The following BCAS3 variants were observed in gnomAD, a reference collection of about 807,000 sequenced individuals.
The protein encoded by BCAS3 is BCAS3 microtubule associated cell migration factor.
A neutral mutation model predicts 116.1 loss-of-function variants in BCAS3; 53 were observed. The observed-to-expected ratio is 0.46, with a 90% CI of 0.37 to 0.57. The LOEUF (loss-of-function observed/expected upper bound fraction) is 0.57. Among genes scored for constraint, BCAS3 ranks in the 20% least tolerant of loss-of-function variants. BCAS3 has a pLI of 0.00. For missense variants in BCAS3, 917 were observed against 1,165.4 expected (o/e 0.79, Z 3.10); for synonymous variants, 391 against 408.2 (o/e 0.96, Z 0.51).
At chr17:60,768,275 G>A (rs1310987248) in intron 6 of BCAS3, among the ~76,000 whole-genome samples, 1 of 152,228 alleles carries the variant, frequency 6.6e-6, no homozygotes, top group East Asian at 1.9e-4. Flanking sequence ...TCAAGGATGT[G>A]TCTGGGAGGG....
rs761353231 is a variant in BCAS3 at position 61,323,897 on chromosome 17, C to T, written c.2426-44430C>T. Among the ~76,000 whole-genome samples the T allele has an allele frequency of 4.4e-4, 67 of 152,370 alleles. No individual in the cohort carries two copies. Among genetic ancestry groups the T allele is most frequent in the Non-Finnish European group, 6.6e-4 (45 of 68,034 alleles). The stretch of plus-strand genomic sequence containing the variant: ...CTCCGTGTTTCTCGTCTTTCCCAGA[C>T]GCTTCTTCCCTTCTTGTTTGCACAT... On this transcript the variant is annotated intron_variant, in intron 22 of 23. Transcript: ENST00000407086. The surrounding 1 kb of genome is among the most constrained non-coding windows in gnomAD (Gnocchi z 4.6).
chr17:60,909,938 T>C (rs1384221061), intron 11 of BCAS3, among the ~76,000 whole-genome samples: 1 of 152,178 alleles, frequency 6.6e-6, no homozygotes, highest in African/African-American at 2.4e-5. Flanking sequence ...ACTAATTTAG[T>C]ATGATACTTC....
At chr17:60,750,531 G>A (rs1199584225) in intron 6 of BCAS3, among the ~76,000 whole-genome samples, 4 of 152,084 alleles carry the variant, frequency 2.6e-5, no homozygotes, top group African/African-American at 7.2e-5. Flanking sequence ...TGAAAGTGTC[G>A]TTATTCATCG....
chr17:61,340,341 G>C (rs2057050140), intron 22 of BCAS3, among the ~76,000 whole-genome samples: 2 of 147,938 alleles, frequency 1.4e-5, no homozygotes, highest in Admixed American at 6.8e-5. Context: ...CAGGGGGTGG[G>C]TGGATTCCAG....
At chr17:60,887,706 T>C (rs2056822632) in intron 9 of BCAS3, among the ~76,000 whole-genome samples, 1 of 152,212 alleles carries the variant, frequency 6.6e-6, no homozygotes, top group Admixed American at 6.5e-5. Flanking sequence ...TCAGACTTTT[T>C]ATTTGTCCTT....
chr17:60,967,750 C>G lies in BCAS3; in HGVS notation c.1221+20398C>G, dbSNP rs114229966. Among the ~76,000 whole-genome samples, 4 of 152,152 alleles carry G rather than the reference C, an allele frequency of 2.6e-5. No homozygotes were observed. Among genetic ancestry groups the G allele is most frequent in the East Asian group, 3.9e-4 (2 of 5,170 alleles). On this transcript the variant is annotated intron_variant, in intron 14 of 23. Coordinates refer to ENST00000407086, the MANE Select transcript of BCAS3 (RefSeq NM_017679.5). The surrounding 1 kb of genome is among the most constrained non-coding windows in gnomAD (Gnocchi z 4.7). ...TCTTTGTCCTTCTCCCACCACCCCC[C>G]ACACCCCCAATTGTATTTTCAAATA...
At chr17:60,880,075 G>C (rs2055974722) in intron 9 of BCAS3, among the ~76,000 whole-genome samples, 1 of 152,288 alleles carries the variant, frequency 6.6e-6, no homozygotes, top group African/African-American at 2.4e-5. Flanking sequence ...GAACTAACTT[G>C]TGACTTTTTC....
intron 13 of BCAS3, among the ~76,000 whole-genome samples, chr17:60,929,073 A>G (rs1190806753): frequency 6.6e-6 from 1 of 152,170 alleles, no homozygotes; most frequent in Non-Finnish European, 1.5e-5. Context: ...CTCTTCATTT[A>G]AGTCCTTCCC....
intron 16 of BCAS3, among the ~76,000 whole-genome samples, chr17:61,022,293 A>G (rs1223746685): frequency 6.6e-6 from 1 of 152,140 alleles, no homozygotes; most frequent in African/African-American, 2.4e-5. Flanking sequence ...TCTGTAGCCC[A>G]GGCTGGAGAG....
At position 61,028,981 on chromosome 17, in the gene BCAS3, A is replaced by G. The variant is rs2145580240; in HGVS notation, c.1638-5685A>G. ...GACAACTTCTTCCATTTTGTTTATA[A>G]GAGCTCCTTTGTTTTAATAGTTTTT... On this transcript the variant is annotated intron_variant, in intron 16 of 23. Transcript: ENST00000407086. This position sits in a 1 kb window ranked among gnomAD's most constrained non-coding sequence, Gnocchi z 4.3. Among the ~76,000 whole-genome samples, 1 of 152,042 alleles carries G rather than the reference A, an allele frequency of 6.6e-6. No homozygotes were observed. Among genetic ancestry groups the G allele is most frequent in the South Asian group, 2.1e-4 (1 of 4,826 alleles).
In BCAS3 at chr17:60,995,504, G is replaced by A. The variant is rs1263103169; in HGVS notation, c.1486+5269G>A. The stretch of plus-strand genomic sequence containing the variant: ...GTAGAGACTGGGTTTCACAATGTTG[G>A]CCAGGCTGGTCTCAAACTCCTGACC... On this transcript the variant is annotated intron_variant, in intron 15 of 23. Transcript: ENST00000407086. The surrounding 1 kb of genome is among the most constrained non-coding windows in gnomAD (Gnocchi z 4.7). Among the ~76,000 whole-genome samples the A allele has an allele frequency of 2.0e-5, 3 of 151,894 alleles. No individual in the cohort carries two copies. The East Asian group carries it at 5.8e-4, about 30-fold the overall frequency.
chr17:60,864,790 G>A (rs1227010809), intron 7 of BCAS3, among the ~76,000 whole-genome samples: 4 of 152,138 alleles, frequency 2.6e-5, no homozygotes, highest in African/African-American at 9.7e-5. Flanking sequence ...GATTTGAAAT[G>A]AGAGATATGC....
chr17:61,208,855 C>A lies in BCAS3; in HGVS notation c.2425+124291C>A, dbSNP rs535393571. On this transcript the variant is annotated intron_variant, in intron 22 of 23. Transcript: ENST00000407086. This position sits in a 1 kb window ranked among gnomAD's most constrained non-coding sequence, Gnocchi z 4.5. The stretch of plus-strand genomic sequence containing the variant: ...TAAGTGGTGTAGAGTGGTTTTGTTG[C>A]TAAGAGAAAAGTGCTAAAAAGGAAA... Among the ~76,000 whole-genome samples, 60 of 140,498 alleles carry A rather than the reference C, an allele frequency of 4.3e-4. 1 individual carries two copies. Among genetic ancestry groups the A allele is most frequent in the African/African-American group, 1.6e-3 (60 of 37,402 alleles). 92.2% of individuals were successfully genotyped at this position (140,498 alleles called of 152,430 possible).
intron 5 of BCAS3, among the ~76,000 whole-genome samples, chr17:60,723,414 C>T (rs568924501): frequency 7.2e-5 from 11 of 152,022 alleles, no homozygotes; most frequent in Non-Finnish European, 1.5e-4. Context: ...TTAGTAGAGA[C>T]GGGGTTTTGG....
intron 6 of BCAS3, among the ~76,000 whole-genome samples, chr17:60,783,681 A>G (rs1210892540): frequency 3.9e-5 from 6 of 152,210 alleles, no homozygotes; most frequent in Non-Finnish European, 8.8e-5. Context: ...ATTTTTCATA[A>G]TACAGTATTC....
chr17:61,045,971 TA>T (rs1351674030), intron 19 of BCAS3, among the ~76,000 whole-genome samples: 4 of 10,726 alleles, frequency 3.7e-4, no homozygotes, highest in Non-Finnish European at 4.9e-4. Context: ...ATATAATATA[TA>T]TATATTATAT....
intron 21 of BCAS3, among the ~76,000 whole-genome samples, chr17:61,080,432 CT>C (rs1358178894): frequency 6.6e-6 from 1 of 152,032 alleles, no homozygotes; most frequent in Admixed American, 6.6e-5. Context: ...TTGCTTTCCC[CT>C]GACTGATGTA....
chr17:61,262,207 T>C (rs1292444606), intron 22 of BCAS3, among the ~76,000 whole-genome samples: 6 of 150,904 alleles, frequency 4.0e-5, no homozygotes, highest in African/African-American at 1.5e-4. Context: ...ATGATGGTAA[T>C]AACCAATTAG....
At chr17:60,970,885 C>G (rs1419366929) in intron 14 of BCAS3, among the ~76,000 whole-genome samples, 1 of 152,090 alleles carries the variant, frequency 6.6e-6, no homozygotes, top group African/African-American at 2.4e-5. Flanking sequence ...GCTACATTGG[C>G]CTATTAGATA....
Sources: allele counts gnomAD v4.1 joint callset (sites outside exome capture counted in the v4.1 genomes callset), GRCh38; gene constraint gnomAD v4.1.1; non-coding constraint Gnocchi (gnomAD v3.1); transcripts MANE v1.5; gene names NCBI Gene and HGNC (gene_info 2026-07-23, HGNC 2026-07-21).